The following DCBLD1 variants were observed in gnomAD, a reference collection of about 807,000 sequenced individuals.
DCBLD1 encodes the protein discoidin, CUB and LCCL domain-containing protein 1.
Under a neutral mutation model 71.5 loss-of-function variants are expected in DCBLD1, and 57 were observed. The observed-to-expected ratio is 0.80, with a 90% CI of 0.64 to 0.99. The LOEUF is 0.99. Among genes scored for constraint, DCBLD1 ranks in the 50% least tolerant of loss-of-function variants. The pLI is 0.00. For missense variants in DCBLD1, 891 were observed against 923.5 expected (o/e 0.96, Z 0.46); for synonymous variants, 380 against 363.8 (o/e 1.04, Z -0.51).
At chr6:117,520,448 C>G (rs1393059031) in intron 3 of DCBLD1, among the ~76,000 whole-genome samples, 2 of 152,120 alleles carry the variant, frequency 1.3e-5, no homozygotes, top group Admixed American at 6.5e-5. Flanking sequence ...CCTGACCCTT[C>G]GAAGTCTTCA....
chr6:117,496,092 C>T (rs982696157), intron 1 of DCBLD1, among the ~76,000 whole-genome samples: 6 of 152,104 alleles, frequency 3.9e-5, no homozygotes, highest in African/African-American at 1.4e-4. Context: ...TCAAATGTTT[C>T]ATCTGCTGAG....
At chr6:117,566,705 G>C (rs1311675957) in intron 14 of DCBLD1, 1 of 533,472 alleles carries the variant, frequency 1.9e-6, no homozygotes, top group Non-Finnish European at 3.2e-6. Context: ...TGTTAGCATA[G>C]TATACAATAA....
In DCBLD1 at chr6:117,539,273, C is replaced by G. The variant is rs1299233361; in HGVS notation, c.995C>G (p.Ser332Cys). Residue 332 changes from serine to cysteine, a missense_variant, in exon 9 of 15, where the codon TCT becomes TGT. Transcript: ENST00000338728. ...TTACAAGGAATTAGGACCACAGGAT[C>G]TACACAGTCGAACTTCAACTTTTAT... Reference protein sequence around the residue: ...KKITGIRTTGSTQSNFNFYVK... With the variant: ...KKITGIRTTGCTQSNFNFYVK... 6.2e-7 allele frequency: 1 copy of G among 1,600,854 alleles called. No individual in the cohort carries two copies. The highest frequency in any genetic ancestry group is 1.1e-5 in the South Asian group (1 of 88,524).
chr6:117,537,988 A>G (rs1282330083), intron 7 of DCBLD1, among the ~76,000 whole-genome samples: 1 of 152,246 alleles, frequency 6.6e-6, no homozygotes, highest in East Asian at 1.9e-4. Flanking sequence ...AAGTTACTGA[A>G]AATGAGTATA....
At chr6:117,518,666 A>C (rs769272384) in intron 2 of DCBLD1, among the ~76,000 whole-genome samples, 8 of 152,232 alleles carry the variant, frequency 5.3e-5, no homozygotes, top group South Asian at 2.1e-4. Flanking sequence ...GGTGGCAGAC[A>C]AAAGAAATGA....
chr6:117,545,272 A>G (rs1779228960), intron 13 of DCBLD1, among the ~76,000 whole-genome samples: 1 of 152,082 alleles, frequency 6.6e-6, no homozygotes, highest in South Asian at 2.1e-4. Flanking sequence ...TTTTAAAGGC[A>G]CAGCGGAAAG....
chr6:117,516,946 G>A (rs1472700566), intron 2 of DCBLD1, among the ~76,000 whole-genome samples: 1 of 152,056 alleles, frequency 6.6e-6, no homozygotes, highest in South Asian at 2.1e-4. Flanking sequence ...GATTTGGGTG[G>A]GGACACCCAA....
At chr6:117,503,672 A>C in intron 1 of DCBLD1, 95 bp from the exon 2 acceptor site, 3 of 1,358,916 alleles carry the variant, frequency 2.2e-6, no homozygotes, top group Non-Finnish European at 3.0e-6. Context: ...AAAAACAATA[A>C]AATACATAAC....
At chr6:117,513,876 G>A (rs1778103484) in intron 2 of DCBLD1, among the ~76,000 whole-genome samples, 1 of 152,056 alleles carries the variant, frequency 6.6e-6, no homozygotes, top group African/African-American at 2.4e-5. Context: ...TTTAAATATA[G>A]GTGTAGATCC....
At chr6:117,523,992 T>G (rs1166950235) in intron 4 of DCBLD1, among the ~76,000 whole-genome samples, 1 of 152,150 alleles carries the variant, frequency 6.6e-6, no homozygotes, top group African/African-American at 2.4e-5. Context: ...CTTCATATCT[T>G]GTTGATATGT....
Position 117,567,123 on chromosome 6 carries a change from G to A in DCBLD1, c.1616-2497G>A. On this transcript the variant is annotated intron_variant, in intron 14 of 14. Coordinates refer to the DCBLD1 transcript ENST00000296955. The stretch of plus-strand genomic sequence containing the variant: ...AAATTCTTTGTGGGAAGGCTTAGGG[G>A]TAGAGAGATCTAAGAGATAGCTGAT... 9.0e-6 allele frequency: 8 copies of A among 890,612 alleles called. No individual in the cohort carries two copies. The South Asian group carries it at 1.4e-4, about 16-fold the overall frequency. The allele number at this position is 890,612 out of a possible 1,614,324, so 55.2% of individuals were successfully genotyped here.
At chr6:117,503,090 T>C (rs1194503785) in intron 1 of DCBLD1, among the ~76,000 whole-genome samples, 1 of 152,238 alleles carries the variant, frequency 6.6e-6, no homozygotes, top group East Asian at 1.9e-4. Flanking sequence ...CTGAGTTCTA[T>C]GAGACAGCAA....
intron 4 of DCBLD1, among the ~76,000 whole-genome samples, chr6:117,522,994 A>G (rs1388735873): frequency 2.0e-5 from 3 of 152,238 alleles, no homozygotes; most frequent in Non-Finnish European, 2.9e-5. Flanking sequence ...TCTAGTGTTA[A>G]CTAATATTAT....
At chr6:117,511,783 T>C (rs912158466) in intron 2 of DCBLD1, among the ~76,000 whole-genome samples, 3 of 152,180 alleles carry the variant, frequency 2.0e-5, no homozygotes, top group African/African-American at 7.2e-5. Flanking sequence ...AGACATATTA[T>C]GAAGTAGAAG....
chr6:117,516,455 C>A (rs887472735), intron 2 of DCBLD1, among the ~76,000 whole-genome samples: 2 of 151,816 alleles, frequency 1.3e-5, no homozygotes, highest in African/African-American at 4.8e-5. Flanking sequence ...TAGATTTCAC[C>A]ATAATTTAGT....
intron 6 of DCBLD1, among the ~76,000 whole-genome samples, 186 bp from the exon 7 acceptor site, chr6:117,536,999 G>A (rs878925000): frequency 6.6e-6 from 1 of 152,084 alleles, no homozygotes; most frequent in South Asian, 2.1e-4. Context: ...CCTTCCGTGG[G>A]CCTAAGTTTC....
At chr6:117,520,129 A>AG (rs1778337964) in intron 3 of DCBLD1, among the ~76,000 whole-genome samples, 179 bp downstream of exon 3, 2 of 152,230 alleles carry the variant, frequency 1.3e-5, no homozygotes, top group African/African-American at 4.8e-5. Context: ...ATTGCAGCAC[A>AG]GGTGTGTCCA....
intron 1 of DCBLD1, among the ~76,000 whole-genome samples, chr6:117,489,119 G>C (rs767988869): frequency 7.2e-5 from 11 of 152,176 alleles, no homozygotes; most frequent in Non-Finnish European, 1.0e-4. Flanking sequence ...AGGTGTATTT[G>C]GCTCAAGTTT....
chr6:117,524,815 A>G lies in DCBLD1; in HGVS notation c.513-547A>G, dbSNP rs146181682. On this transcript the variant is annotated intron_variant, in intron 4 of 14. Transcript: ENST00000338728. Reference sequence around the variant, plus strand: ...GCATATTTCTTTTTACTTTTTAAAAATGTGACTACTCGAATATTTAAATTT... The same window carrying G: ...GCATATTTCTTTTTACTTTTTAAAAGTGTGACTACTCGAATATTTAAATTT... Among the ~76,000 whole-genome samples the G allele has an allele frequency of 3.3e-3, 507 of 152,360 alleles. 5 individuals carry two copies. Among genetic ancestry groups the G allele is most frequent in the African/African-American group, 0.011 (474 of 41,590 alleles).
Sources: allele counts gnomAD v4.1 joint callset (sites outside exome capture counted in the v4.1 genomes callset), GRCh38; gene constraint gnomAD v4.1.1; transcripts MANE v1.5; gene names NCBI Gene and HGNC (gene_info 2026-07-23, HGNC 2026-07-21).